CLYBL: variants seen among roughly 807,000 people sequenced by gnomAD.
CLYBL encodes the protein citramalyl-CoA lyase, also known as citramalyl-CoA lyase, mitochondrial.
Under a neutral mutation model 38.9 loss-of-function variants are expected in CLYBL, and 31 were observed. The ratio of observed to expected loss-of-function variants is 0.80; its 90% CI spans 0.60 to 1.08. The LOEUF (loss-of-function observed/expected upper bound fraction) is 1.08, where lower values mean the gene tolerates loss of function less well. Among genes scored for constraint, CLYBL ranks in the 50% least tolerant of loss-of-function variants. CLYBL has a pLI of 0.00. For synonymous variants in CLYBL, 171 were observed against 158.6 expected (o/e 1.08, Z -0.59); for missense variants, 434 against 411.6 (o/e 1.05, Z -0.47).
intron 1 of CLYBL, among the ~76,000 whole-genome samples, chr13:99,625,707 C>A (rs1215537327): frequency 6.6e-6 from 1 of 152,102 alleles, no homozygotes; most frequent in Non-Finnish European, 1.5e-5. Context: ...CTAAAACATA[C>A]CAGTAGTATG....
At chr13:99,720,716 A>G (rs2048380196) in intron 1 of CLYBL, among the ~76,000 whole-genome samples, 1 of 152,216 alleles carries the variant, frequency 6.6e-6, no homozygotes, top group Non-Finnish European at 1.5e-5. Flanking sequence ...CTGCTTAGTA[A>G]CATTCTGCTG....
At chr13:99,887,752 T>C (rs2052386475) in intron 7 of CLYBL, among the ~76,000 whole-genome samples, 1 of 152,114 alleles carries the variant, frequency 6.6e-6, no homozygotes, top group African/African-American at 2.4e-5. Flanking sequence ...AACCCAAGGA[T>C]TCTACTTTTG....
chr13:99,859,102 C>A, intron 3 of CLYBL, 53 bp downstream of exon 3: 1 of 1,459,676 alleles, frequency 6.9e-7, no homozygotes, highest in South Asian at 1.3e-5. Flanking sequence ...GGAGGAGTAG[C>A]AGGAAGAAGG....
At chr13:99,768,522 TTTTTTTA>T (rs1171615314) in intron 1 of CLYBL, among the ~76,000 whole-genome samples, 263 of 11,262 alleles carry the variant, frequency 0.023, 20 homozygotes, top group African/African-American at 0.064. Context: ...TTTTTTTTTT[TTTTTTTA>T]AAGACAGAAT....
intron 1 of CLYBL, among the ~76,000 whole-genome samples, chr13:99,617,577 C>T (rs1420321314): frequency 6.6e-6 from 1 of 152,192 alleles, no homozygotes; most frequent in South Asian, 2.1e-4. Flanking sequence ...GAGGGCGCTC[C>T]GCTCTAGCAA....
In CLYBL at chr13:99,734,994, A is replaced by T. The variant is rs375572718; in HGVS notation, c.63-37830A>T. 7.2e-5 allele frequency among the ~76,000 whole-genome samples: 11 copies of T among 152,310 alleles called. No individual in the cohort carries two copies. In the South Asian group the frequency reaches 2.3e-3, roughly 32 times the overall value. On this transcript the variant is annotated intron_variant, in intron 1 of 8. Coordinates refer to ENST00000339105, the MANE Select transcript of CLYBL (RefSeq NM_206808.5). ...GTGTTCTCACTTGCTATACCAGCGC[A>T]TATATAACATCTTCCCATTTGTCTC...
intron 1 of CLYBL, among the ~76,000 whole-genome samples, chr13:99,721,146 C>T (rs1318421412): frequency 2.0e-5 from 3 of 151,630 alleles, no homozygotes; most frequent in South Asian, 2.1e-4. Context: ...CAGGTTCAAG[C>T]GATTCTCCTG....
At chr13:99,738,436 T>C (rs2048700392) in intron 1 of CLYBL, among the ~76,000 whole-genome samples, 1 of 152,152 alleles carries the variant, frequency 6.6e-6, no homozygotes, top group Non-Finnish European at 1.5e-5. Context: ...GGATCAAATG[T>C]AAGGGTTTCT....
At chr13:99,862,584 G>T (rs1214350390) in intron 3 of CLYBL, among the ~76,000 whole-genome samples, 2 of 152,236 alleles carry the variant, frequency 1.3e-5, no homozygotes, top group African/African-American at 4.8e-5. Flanking sequence ...ACTGATGTCA[G>T]TGCTGGGCAC....
intron 2 of CLYBL, among the ~76,000 whole-genome samples, chr13:99,845,074 A>T (rs1566350888): frequency 6.6e-6 from 1 of 152,176 alleles, no homozygotes; most frequent in Non-Finnish European, 1.5e-5. Context: ...GAAACTAGGC[A>T]TATGTTGTAA....
chr13:99,884,275 G>C (rs1302380949), intron 7 of CLYBL, among the ~76,000 whole-genome samples: 1 of 152,164 alleles, frequency 6.6e-6, no homozygotes, highest in African/African-American at 2.4e-5. Context: ...GAGAGGAAAA[G>C]GGTGAGCTCA....
At chr13:99,850,582 CA>C (rs2051308193) in intron 2 of CLYBL, among the ~76,000 whole-genome samples, 1 of 152,188 alleles carries the variant, frequency 6.6e-6, no homozygotes, top group Non-Finnish European at 1.5e-5. Context: ...GATGGGAAGG[CA>C]AAATGGTACA....
intron 2 of CLYBL, among the ~76,000 whole-genome samples, chr13:99,812,490 A>G (rs2050362278): frequency 6.6e-6 from 1 of 152,222 alleles, no homozygotes; most frequent in South Asian, 2.1e-4. Flanking sequence ...GGCCAGTATT[A>G]AATGCCCCTG....
chr13:99,697,089 G>A (rs1348548952), intron 1 of CLYBL, among the ~76,000 whole-genome samples: 1 of 152,110 alleles, frequency 6.6e-6, no homozygotes, highest in Non-Finnish European at 1.5e-5. Flanking sequence ...TTATTGTGGG[G>A]TCTTAGTTGA....
chr13:99,608,734 A>AT (rs1425841828), intron 1 of CLYBL, among the ~76,000 whole-genome samples: 3 of 149,010 alleles, frequency 2.0e-5, no homozygotes, highest in Non-Finnish European at 4.4e-5. Flanking sequence ...CTTGATTGGC[A>AT]TTTTTTTTCC....
At chr13:99,671,896 G>A (rs1023192740) in intron 1 of CLYBL, among the ~76,000 whole-genome samples, 5 of 152,048 alleles carry the variant, frequency 3.3e-5, no homozygotes, top group African/African-American at 2.4e-5. Context: ...CTGGACTCAC[G>A]TCCCTGACTT....
chr13:99,877,339 CCTCT>C (rs930039425), intron 7 of CLYBL, among the ~76,000 whole-genome samples: 42 of 152,074 alleles, frequency 2.8e-4, no homozygotes, highest in African/African-American at 8.5e-4. Flanking sequence ...TGTATTTCTC[CCTCT>C]AAGGATGGAT....
At chr13:99,870,874 G>A in intron 6 of CLYBL, 64 bp from the exon 7 acceptor site, 1 of 1,532,042 alleles carries the variant, frequency 6.5e-7, no homozygotes, top group East Asian at 2.3e-5. Flanking sequence ...TCACGCGATA[G>A]AAACATTTTG....
intron 2 of CLYBL, among the ~76,000 whole-genome samples, chr13:99,811,668 C>G (rs188456999): frequency 1.3e-5 from 2 of 152,296 alleles, no homozygotes; most frequent in African/African-American, 4.8e-5. Context: ...GTGCCACTGC[C>G]AGTCCCCACA....
Sources: gnomAD v4.1 joint callset for allele counts (sites outside exome capture counted in the v4.1 genomes callset) on GRCh38, gnomAD v4.1.1 for gene constraint, MANE v1.5 for transcripts, NCBI Gene and HGNC (gene_info 2026-07-23, HGNC 2026-07-21) for gene names.